The following USP24 variants were observed in gnomAD, a reference collection of about 807,000 sequenced individuals.
USP24 encodes ubiquitin specific peptidase 24.
In USP24, 97 loss-of-function variants were observed where a neutral mutation model predicts 361.6. The observed-to-expected ratio is 0.27, with a 90% confidence interval of 0.23 to 0.32. The LOEUF (loss-of-function observed/expected upper bound fraction) is 0.32. USP24 is among the 10% of genes least tolerant of loss of function. The probability of loss-of-function intolerance (pLI) is 1.00; values close to 1 mark genes in which losing one functional copy is unlikely to be tolerated. For synonymous variants in USP24, 1,098 were observed against 1,124.6 expected (o/e 0.98, Z 0.47); for missense variants, 2,353 against 3,165.6 (o/e 0.74, Z 6.16).
chr1:55,184,627 T>C (rs928123164), intron 1 of USP24, among the ~76,000 whole-genome samples: 10 of 152,124 alleles, frequency 6.6e-5, no homozygotes, highest in Admixed American at 2.6e-4. Flanking sequence ...TACAGTAAAA[T>C]ACAGATTCTC....
chr1:55,099,800 G>A lies in USP24; in HGVS notation c.5341C>T (p.Leu1781Phe). 1 of 1,559,166 alleles carries A rather than the reference G, an allele frequency of 6.4e-7. No homozygotes were observed. The highest frequency in any genetic ancestry group is 8.7e-7 in the Non-Finnish European group (1 of 1,150,314). Residue 1781 changes from leucine to phenylalanine, a missense_variant, in exon 45 of 68, where the codon CTC (leucine) becomes TTC (phenylalanine). Around this residue, in one of 8 missense-constraint regions of USP24, gnomAD observed 105 missense variants for 200.3 expected, o/e 0.52. Coordinates refer to ENST00000294383, the MANE Select transcript of USP24 (RefSeq NM_015306.3). ...AGGTATTCATCCATCTGATCAATGAGACTAGTAAAGAATTCATATGCATCC... is the reference window on the plus strand; with the variant it reads ...AGGTATTCATCCATCTGATCAATGAAACTAGTAAAGAATTCATATGCATCC... ...QQDAYEFFTS[L>F]IDQMDEYLKK...
intron 1 of USP24, among the ~76,000 whole-genome samples, chr1:55,182,165 C>T (rs1248936224): frequency 6.6e-6 from 1 of 152,234 alleles, no homozygotes; most frequent in Non-Finnish European, 1.5e-5. Context: ...GATTCTCCTG[C>T]CTCAGCCTCC....
At chr1:55,118,859 T>C (rs1233968256) in intron 38 of USP24, among the ~76,000 whole-genome samples, 2 of 152,204 alleles carry the variant, frequency 1.3e-5, no homozygotes, top group East Asian at 3.8e-4. Flanking sequence ...CCAATTCACA[T>C]GCACTGGGAT....
At chr1:55,092,191 C>T (rs3736992) in intron 53 of USP24, 65 bp from the exon 54 acceptor site, 870,714 of 1,160,716 alleles carry the variant, frequency 0.75, 332,890 homozygotes, top group East Asian at 0.9. Context: ...TACACAGTTA[C>T]GAACTAAATT....
intron 66 of USP24, 132 bp from the exon 67 acceptor site, chr1:55,072,056 C>A: frequency 1.2e-6 from 1 of 825,478 alleles, no homozygotes; most frequent in Admixed American, 2.1e-5. Flanking sequence ...TCATCACAGT[C>A]ACCAGAACCC....
chr1:55,201,272 ACTTTCC>A (rs1644565151), intron 1 of USP24, among the ~76,000 whole-genome samples: 1 of 152,136 alleles, frequency 6.6e-6, no homozygotes. Flanking sequence ...GTTTCCTGGA[ACTTTCC>A]AGGAAATACA....
intron 12 of USP24, among the ~76,000 whole-genome samples, chr1:55,156,648 G>C (rs1647693054): frequency 6.6e-6 from 1 of 152,016 alleles, no homozygotes; most frequent in South Asian, 2.1e-4. Context: ...AAGAACACTA[G>C]ATTGATAAAC....
At chr1:55,133,485 C>T (rs1178485500) in intron 30 of USP24, among the ~76,000 whole-genome samples, 1 of 152,098 alleles carries the variant, frequency 6.6e-6, no homozygotes, top group Non-Finnish European at 1.5e-5. Context: ...GCTTTGGCTT[C>T]CTAATATATA....
At position 55,210,539 on chromosome 1, in the gene USP24, T is replaced by C. The variant is rs556513757; in HGVS notation, c.324+4251A>G. Among the ~76,000 whole-genome samples, 28 of 152,322 alleles carry C rather than the reference T, an allele frequency of 1.8e-4. No individual in the cohort carries two copies. The South Asian group carries it at 5.4e-3, about 29-fold the overall frequency. On this transcript the variant is annotated intron_variant, in intron 1 of 67. Transcript: ENST00000294383. ...AATAACATGAATTTTACCATAAACC[T>C]TAATTATACACATTGACAGTATTAC...
chr1:55,127,562 T>C (rs908522446), intron 32 of USP24, among the ~76,000 whole-genome samples: 5 of 152,194 alleles, frequency 3.3e-5, no homozygotes, highest in African/African-American at 1.2e-4. Context: ...GCATGATTTA[T>C]AGTCCTTTGG....
At chr1:55,192,980 T>C (rs534709553) in intron 1 of USP24, among the ~76,000 whole-genome samples, 2 of 152,300 alleles carry the variant, frequency 1.3e-5, no homozygotes, top group East Asian at 3.9e-4. Context: ...TCCACACCCA[T>C]GGGTTCAACC....
chr1:55,183,638 GC>G (rs1169252559), intron 1 of USP24, among the ~76,000 whole-genome samples: 6 of 152,174 alleles, frequency 3.9e-5, no homozygotes, highest in Non-Finnish European at 8.8e-5. Context: ...AAAGAGCAAA[GC>G]GGCAAATGTA....
chr1:55,093,817 G>T (rs914999388), intron 52 of USP24, 120 bp downstream of exon 52: 1 of 1,381,666 alleles, frequency 7.2e-7, no homozygotes. Flanking sequence ...TGAGACAAGT[G>T]TGTAAGACGA....
In USP24 at chr1:55,148,562, C is replaced by CTGAGA; in HGVS notation, c.1864_1868dup (p.Gln623HisfsTer27). 6.3e-7 allele frequency: 1 copy of CTGAGA among 1,576,752 alleles called. No individual in the cohort carries two copies. Among genetic ancestry groups the CTGAGA allele is most frequent in the Non-Finnish European group, 8.6e-7 (1 of 1,160,302 alleles). ...CCCATACAAACTGGGGATTATTAAG[C>CTGAGA]TGAGATGACTAGAGTTAAAAAGAAG... is the stretch of plus-strand genomic sequence containing the variant. On this transcript the variant is annotated frameshift_variant, in exon 17 of 68. Transcript: ENST00000294383. LOFTEE classifies it high-confidence loss of function.
At chr1:55,208,879 T>C (rs954156572) in intron 1 of USP24, among the ~76,000 whole-genome samples, 4 of 151,930 alleles carry the variant, frequency 2.6e-5, no homozygotes, top group Admixed American at 6.6e-5. Flanking sequence ...GACGTTGCAG[T>C]GAGCCAAGAT....
chr1:55,130,671 A>G (rs1219364782), intron 31 of USP24, among the ~76,000 whole-genome samples: 4 of 152,154 alleles, frequency 2.6e-5, no homozygotes, highest in Non-Finnish European at 5.9e-5. Flanking sequence ...TGCTCTTCTA[A>G]GCCTTTCAAA....
intron 12 of USP24, among the ~76,000 whole-genome samples, chr1:55,155,908 A>G (rs1056538264): frequency 2.6e-5 from 4 of 152,106 alleles, no homozygotes; most frequent in African/African-American, 7.2e-5. Context: ...ATTTCCTTGA[A>G]CTTAATACCC....
chr1:55,113,780 T>C (rs1017377901), intron 38 of USP24, among the ~76,000 whole-genome samples: 1 of 152,142 alleles, frequency 6.6e-6, no homozygotes, highest in Non-Finnish European at 1.5e-5. Flanking sequence ...AAGAGCTATT[T>C]ATGACAAACC....
chr1:55,172,563 A>C, intron 3 of USP24, 43 bp from the exon 4 acceptor site: 5 of 1,562,886 alleles, frequency 3.2e-6, no homozygotes, highest in Non-Finnish European at 4.3e-6. Context: ...ACTTGAAAAA[A>C]GAAAATAAAT....
Sources: gnomAD v4.1 joint callset for allele counts (sites outside exome capture counted in the v4.1 genomes callset) on GRCh38, gnomAD v4.1.1 for gene constraint, gnomAD v4.1.1 regional missense constraint, MANE v1.5 for transcripts, NCBI Gene and HGNC (gene_info 2026-07-23, HGNC 2026-07-21) for gene names.